The following WDR45B variants were observed in gnomAD, a reference collection of about 807,000 sequenced individuals.
WDR45B encodes WD repeat domain 45B.
WDR45B carries 20 observed loss-of-function variants against 44.6 expected under a neutral mutation model. That is an observed-to-expected ratio of 0.45 (90% CI 0.32 to 0.65). The LOEUF is 0.65. Ranked by LOEUF, WDR45B falls within the 30% of genes least tolerant of loss-of-function variation. The pLI, the probability that WDR45B is intolerant of heterozygous loss-of-function variation, is 0.05. For synonymous variants in WDR45B, 169 were observed against 164.9 expected (o/e 1.02, Z -0.19); for missense variants, 323 against 430.2 (o/e 0.75, Z 2.20).
intron 8 of WDR45B, 64 bp from the exon 9 acceptor site, chr17:82,616,709 C>T (rs2045541193): frequency 6.2e-7 from 1 of 1,605,662 alleles, no homozygotes; most frequent in African/African-American, 1.3e-5. Context: ...CCTGCGTAAG[C>T]TCAGAATACG....
intron 2 of WDR45B, among the ~76,000 whole-genome samples, chr17:82,639,992 CTG>C (rs917672992): frequency 4.5e-5 from 6 of 133,104 alleles, no homozygotes; most frequent in East Asian, 2.1e-4. Flanking sequence ...GGTGGCTGGG[CTG>C]TGTGTGTGGA....
chr17:82,620,538 G>A (rs1415976354), intron 6 of WDR45B, among the ~76,000 whole-genome samples: 1 of 152,232 alleles, frequency 6.6e-6, no homozygotes, highest in Non-Finnish European at 1.5e-5. Context: ...GTGTCCCCAC[G>A]TGCTGAGGAG....
chr17:82,636,350 A>G (rs998225027), intron 2 of WDR45B, among the ~76,000 whole-genome samples: 2 of 151,980 alleles, frequency 1.3e-5, no homozygotes, highest in African/African-American at 2.4e-5. Context: ...GGAAAGAAAA[A>G]AAAGAAAAAC....
intron 1 of WDR45B, among the ~76,000 whole-genome samples, chr17:82,647,358 T>G (rs2045991777): frequency 6.6e-6 from 1 of 152,166 alleles, no homozygotes; most frequent in South Asian, 2.1e-4. Context: ...TAACGGACAT[T>G]CCTTTTCCTC....
Position 82,627,305 on chromosome 17 carries a change from A to C in WDR45B, c.245-14T>G. 1 of 1,597,314 alleles carries C rather than the reference A, an allele frequency of 6.3e-7. No individual in the cohort carries two copies. The highest frequency in any genetic ancestry group is 8.6e-7 in the Non-Finnish European group (1 of 1,167,536). Reference sequence around the variant, plus strand: ...CCCAGATCATTACTGAAATATCAGAAAGAAAAGATGAATGCAGTCATCAGC... The same window carrying C: ...CCCAGATCATTACTGAAATATCAGACAGAAAAGATGAATGCAGTCATCAGC... On this transcript the variant is annotated splice_polypyrimidine_tract_variant and intron_variant, in intron 3 of 9. Transcript: ENST00000392325.
At chr17:82,627,919 G>C (rs989492826) in intron 3 of WDR45B, among the ~76,000 whole-genome samples, 3 of 152,254 alleles carry the variant, frequency 2.0e-5, no homozygotes, top group Admixed American at 2.0e-4. Context: ...CAGTTTTAAA[G>C]TGAAATCAGA....
chr17:82,627,396 A>AC (rs1482010656), intron 3 of WDR45B, 105 bp from the exon 4 acceptor site: 6 of 942,936 alleles, frequency 6.4e-6, no homozygotes, highest in South Asian at 3.9e-5. Context: ...TCCCACTGGC[A>AC]CAGCTGCGCC....
Position 82,648,376 on chromosome 17 carries a change from G to C in WDR45B, c.-36C>G. ...TGCTGGGTCGCCGCTCCTCAGCGCT[G>C]CATGCCTCTCGCTGGGGACGGCGGC... On this transcript the variant is annotated 5_prime_UTR_variant, in exon 1 of 10. Coordinates refer to ENST00000392325, the MANE Select transcript of WDR45B (RefSeq NM_019613.4). 6.3e-7 allele frequency: 1 copy of C among 1,597,480 alleles called. No individual in the cohort carries two copies. The highest frequency in any genetic ancestry group is 8.5e-7 in the Non-Finnish European group (1 of 1,174,062).
chr17:82,648,196 A>G (rs1287861221), intron 1 of WDR45B, 78 bp downstream of exon 1: 1 of 1,507,866 alleles, frequency 6.6e-7, no homozygotes, highest in African/African-American at 1.4e-5. Context: ...AGGGGCGCCC[A>G]GGAGAGGCCT....
chr17:82,647,706 T>A (rs1381150033), intron 1 of WDR45B, among the ~76,000 whole-genome samples: 2 of 149,648 alleles, frequency 1.3e-5, no homozygotes, highest in African/African-American at 4.9e-5. Flanking sequence ...AGGTGAGACC[T>A]GCACCCCACC....
intron 5 of WDR45B, among the ~76,000 whole-genome samples, chr17:82,622,379 A>C (rs2045630842): frequency 6.6e-6 from 1 of 152,180 alleles, no homozygotes; most frequent in Non-Finnish European, 1.5e-5. Flanking sequence ...TCTTGAAGAA[A>C]GACAAGCTGA....
intron 6 of WDR45B, 75 bp downstream of exon 6, chr17:82,621,534 A>AC: frequency 6.3e-7 from 1 of 1,599,570 alleles, no homozygotes; most frequent in Non-Finnish European, 8.5e-7. Context: ...TTGAGTCTTG[A>AC]TACAGGGAAT....
At chr17:82,617,183 T>C (rs2045548461) in intron 8 of WDR45B, 113 bp downstream of exon 8, 1 of 902,848 alleles carries the variant, frequency 1.1e-6, no homozygotes, top group Admixed American at 2.0e-5. Flanking sequence ...TGATAGCATA[T>C]GAGGTCTGTC....
At chr17:82,647,557 C>A in intron 1 of WDR45B, among the ~76,000 whole-genome samples, 1 of 152,202 alleles carries the variant, frequency 6.6e-6, no homozygotes, top group Non-Finnish European at 1.5e-5. Context: ...AGTGCTTACA[C>A]CTGGATTCCG....
At chr17:82,617,770 C>T (rs1462610706) in intron 7 of WDR45B, among the ~76,000 whole-genome samples, 1 of 152,194 alleles carries the variant, frequency 6.6e-6, no homozygotes, top group African/African-American at 2.4e-5. Flanking sequence ...ATCCTGGCCT[C>T]AGGAAGGTGC....
rs2291392 is a variant in WDR45B at position 82,627,157 on chromosome 17, T to A, written c.332+47A>T. ...ATAGAAAAGTATTTCAGCCATCTTT[T>A]GAGAAAGTGAAATACCACTTTAAAA... On this transcript the variant is annotated intron_variant, in intron 4 of 9. Transcript: ENST00000392325. 1,123,069 of 1,416,574 alleles carry A rather than the reference T, an allele frequency of 0.79. 447,366 individuals carry two copies. Among genetic ancestry groups the A allele is most frequent in the South Asian group, 0.91 (79,415 of 87,088 alleles). 87.8% of individuals were successfully genotyped at this position (1,416,574 alleles called of 1,614,324 possible). A position where few individuals can be genotyped will look rare whatever the true frequency, so the allele number is the denominator to read the frequency against.
At position 82,625,456 on chromosome 17, in the gene WDR45B, A is replaced by T. The variant is rs748323522; in HGVS notation, c.360T>A (p.Ile120=). The change falls in exon 5 of 10, where the codon ATT becomes ATA. Residue 120 remains isoleucine, a synonymous_variant. Coordinates refer to ENST00000392325, the MANE Select transcript of WDR45B (RefSeq NM_019613.4). ...GATTGTGTGTGAATGTGAACACCTT[A>T]ATCATGGAGTCCAAAACCACCACAA... ...DRIVVVLDSM[I]KVFTFTHNPH... The T allele has an allele frequency of 1.9e-6, 3 of 1,614,216 alleles. No homozygotes were observed. The highest frequency in any genetic ancestry group is 1.7e-6 in the Non-Finnish European group (2 of 1,180,036).
chr17:82,629,293 G>A (rs1465670887), intron 3 of WDR45B, among the ~76,000 whole-genome samples: 1 of 152,170 alleles, frequency 6.6e-6, no homozygotes, highest in Non-Finnish European at 1.5e-5. Context: ...CCTCCTTAAT[G>A]GTCAATGAAG....
At chr17:82,626,075 G>A (rs909871734) in intron 4 of WDR45B, 3 of 158,154 alleles carry the variant, frequency 1.9e-5, no homozygotes, top group Admixed American at 6.0e-5. Flanking sequence ...TAGAGATGGG[G>A]TTTCACTAGG....
Sources: gnomAD v4.1 joint callset for allele counts (sites outside exome capture counted in the v4.1 genomes callset) on GRCh38, gnomAD v4.1.1 for gene constraint, MANE v1.5 for transcripts, NCBI Gene and HGNC (gene_info 2026-07-23, HGNC 2026-07-21) for gene names.